KIF11: variants seen among roughly 807,000 people sequenced by gnomAD.
KIF11 encodes kinesin-like protein KIF11.
A neutral mutation model predicts 121.0 loss-of-function variants in KIF11; 9 were observed. The observed-to-expected ratio is 0.07, with a 90% CI of 0.04 to 0.13. KIF11 has a LOEUF of 0.13. Ranked by LOEUF, KIF11 falls within the 10% of genes least tolerant of loss-of-function variation. The pLI, the probability that KIF11 is intolerant of heterozygous loss-of-function variation, is 1.00. For missense variants in KIF11, 846 were observed against 1,217.5 expected (o/e 0.69, Z 4.54); for synonymous variants, 408 against 421.0 (o/e 0.97, Z 0.38).
At chr10:92,626,628 A>G (rs1418108842) in intron 10 of KIF11, among the ~76,000 whole-genome samples, 2 of 152,344 alleles carry the variant, frequency 1.3e-5, no homozygotes, top group Admixed American at 6.5e-5. Flanking sequence ...CTTAATAGAC[A>G]TTTTAAAACC....
At chr10:92,615,842 G>GTTT (rs71481176) in intron 8 of KIF11, among the ~76,000 whole-genome samples, 1 of 129,972 alleles carries the variant, frequency 7.7e-6, no homozygotes, top group African/African-American at 2.8e-5. Context: ...GGATTTTTTT[G>GTTT]TTTTTTTTTT....
intron 12 of KIF11, among the ~76,000 whole-genome samples, chr10:92,632,158 A>G (rs1043068303): frequency 1.3e-5 from 2 of 151,892 alleles, no homozygotes; most frequent in African/African-American, 2.4e-5. Flanking sequence ...TTCTGATACA[A>G]TGTCTAAAAT....
intron 9 of KIF11, among the ~76,000 whole-genome samples, chr10:92,620,078 CT>C (rs1270524883): frequency 0.05 from 6,316 of 125,410 alleles, 95 homozygotes; most frequent in Admixed American, 0.087. Flanking sequence ...GGTTCTTTGT[CT>C]TTTTTTTTTT....
At chr10:92,650,202 A>G (rs1844966086) in intron 20 of KIF11, among the ~76,000 whole-genome samples, 199 bp from the exon 21 acceptor site, 1 of 152,224 alleles carries the variant, frequency 6.6e-6, no homozygotes, top group Non-Finnish European at 1.5e-5. Context: ...GCTTAGTAAC[A>G]TTGTTATATA....
chr10:92,630,477 C>A, intron 12 of KIF11, 113 bp downstream of exon 12: 1 of 538,962 alleles, frequency 1.9e-6, no homozygotes, highest in Non-Finnish European at 3.1e-6. Context: ...TATTTCTGTC[C>A]ATTTAAAAAA....
At chr10:92,651,507 GTTTTTTTTTTTTTTTT>G (rs1175303233) in intron 21 of KIF11, among the ~76,000 whole-genome samples, 8,653 of 52,986 alleles carry the variant, frequency 0.16, 1,252 homozygotes, top group African/African-American at 0.28. Context: ...GGCTAATTTT[GTTTTTTTTTTTTTTTT>G]TTTTTTTTTT....
At chr10:92,647,429 T>C (rs528324740) in intron 18 of KIF11, among the ~76,000 whole-genome samples, 35 of 152,294 alleles carry the variant, frequency 2.3e-4, no homozygotes, top group African/African-American at 8.4e-4. Flanking sequence ...TGTCCCAATT[T>C]GGATGATAAA....
At chr10:92,623,918 A>C (rs1268248748) in intron 10 of KIF11, among the ~76,000 whole-genome samples, 2 of 151,908 alleles carry the variant, frequency 1.3e-5, no homozygotes, top group Non-Finnish European at 2.9e-5. Flanking sequence ...TAGTTTCAGG[A>C]GTACATGTGC....
intron 1 of KIF11, among the ~76,000 whole-genome samples, chr10:92,595,257 AC>A (rs1844282005): frequency 6.6e-6 from 1 of 152,140 alleles, no homozygotes; most frequent in Non-Finnish European, 1.5e-5. Flanking sequence ...ATGGGGTTTC[AC>A]CATGTTGGCC....
At position 92,630,896 on chromosome 10, in the gene KIF11, C is replaced by T. The variant is rs536009622; in HGVS notation, c.1494+532C>T. Among the ~76,000 whole-genome samples the T allele has an allele frequency of 4.9e-5, 7 of 141,662 alleles. No individual in the cohort carries two copies. The South Asian group carries it at 1.6e-3, about 32-fold the overall frequency. 92.9% of individuals were successfully genotyped at this position (141,662 alleles called of 152,430 possible). On this transcript the variant is annotated intron_variant, in intron 12 of 21. Coordinates refer to ENST00000260731, the MANE Select transcript of KIF11 (RefSeq NM_004523.4). Reference sequence around the variant, plus strand: ...AAAAAAAAAAAAAAAGAAAATAGAACATAACTTTATAATATATTTTGTAGA... The same window carrying T: ...AAAAAAAAAAAAAAAGAAAATAGAATATAACTTTATAATATATTTTGTAGA...
At chr10:92,593,530 A>G (rs748206199) in intron 1 of KIF11, 78 bp downstream of exon 1, 1 of 1,245,554 alleles carries the variant, frequency 8.0e-7, no homozygotes, top group Non-Finnish European at 1.1e-6. Context: ...AGGGAGAGGG[A>G]TTTTATTTGC....
chr10:92,632,942 G>A (rs1056849297), intron 13 of KIF11, among the ~76,000 whole-genome samples: 1 of 147,878 alleles, frequency 6.8e-6, no homozygotes, highest in African/African-American at 2.5e-5. Flanking sequence ...ATAAACGTTA[G>A]AAGTAGAAGT....
Position 92,653,881 on chromosome 10 carries a change from T to C in KIF11, c.*85T>C, listed in dbSNP as rs997489089. ...CCAGAACTTGAGCCTTGTGTATAGA[T>C]TTTAAAAGAATATATATATCAGCCG... On this transcript the variant is annotated 3_prime_UTR_variant, in exon 22 of 22. Coordinates refer to ENST00000260731, the MANE Select transcript of KIF11 (RefSeq NM_004523.4). 7.9e-7 allele frequency: 1 copy of C among 1,265,850 alleles called. No individual in the cohort carries two copies. The highest frequency in any genetic ancestry group is 1.1e-6 in the Non-Finnish European group (1 of 907,170). 78.4% of individuals were successfully genotyped at this position (1,265,850 alleles called of 1,614,324 possible).
chr10:92,631,383 C>T (rs1844737223), intron 12 of KIF11, among the ~76,000 whole-genome samples: 1 of 135,278 alleles, frequency 7.4e-6, no homozygotes, highest in Non-Finnish European at 1.5e-5. Context: ...GAGACGGAGT[C>T]TCGCTCTGTC....
rs1217080571 is a variant in KIF11, at chr10:92,613,122, T to C, written c.781T>C (p.Leu261=). 1 of 1,607,020 alleles carries C rather than the reference T, an allele frequency of 6.2e-7. No individual in the cohort carries two copies. The highest frequency in any genetic ancestry group is 8.5e-7 in the Non-Finnish European group (1 of 1,173,960). Residue 261 remains leucine (L), a synonymous_variant, in exon 7 of 22, where the codon TTG becomes CTG. Transcript: ENST00000260731. The surrounding 1 kb of genome is among the most constrained non-coding windows in gnomAD (Gnocchi z 4.2). ...DGEELVKIGK[L]NLVDLAGSEN... Reference sequence around the variant, plus strand: ...AGAAGAGCTTGTTAAAATCGGAAAGTTGAACTTGGTAAGCATCCACCTTAA... The same window carrying C: ...AGAAGAGCTTGTTAAAATCGGAAAGCTGAACTTGGTAAGCATCCACCTTAA...
intron 21 of KIF11, among the ~76,000 whole-genome samples, chr10:92,652,832 C>A (rs1040527261): frequency 9.2e-5 from 14 of 152,116 alleles, no homozygotes; most frequent in African/African-American, 3.4e-4. Flanking sequence ...GGGTTTTAGA[C>A]CTTCAGCTGA....
intron 19 of KIF11, among the ~76,000 whole-genome samples, chr10:92,648,759 A>T (rs904541557): frequency 6.6e-6 from 1 of 152,226 alleles, no homozygotes; most frequent in Non-Finnish European, 1.5e-5. Context: ...GATGTAACTG[A>T]CTAAATCTAG....
chr10:92,627,975 A>C (rs760965383), intron 10 of KIF11, among the ~76,000 whole-genome samples: 8 of 152,186 alleles, frequency 5.3e-5, no homozygotes, highest in Non-Finnish European at 1.0e-4. Flanking sequence ...TCTACAGTCC[A>C]TGATGTCTAG....
At chr10:92,619,079 C>T (rs561626548) in intron 9 of KIF11, among the ~76,000 whole-genome samples, 108 of 152,120 alleles carry the variant, frequency 7.1e-4, no homozygotes, top group South Asian at 1.5e-3. Flanking sequence ...TGCAGTGGTG[C>T]GATCTCAGCT....
Sources: gnomAD v4.1 joint callset for allele counts (sites outside exome capture counted in the v4.1 genomes callset) on GRCh38, gnomAD v4.1.1 for gene constraint, Gnocchi (gnomAD v3.1) non-coding constraint, MANE v1.5 for transcripts, NCBI Gene and HGNC (gene_info 2026-07-23, HGNC 2026-07-21) for gene names.